MYO3A: variants seen among roughly 807,000 people sequenced by gnomAD.
MYO3A encodes myosin IIIA.
In MYO3A, 180 loss-of-function variants were observed where a neutral mutation model predicts 192.7. The ratio of observed to expected loss-of-function variants is 0.93; its 90% CI spans 0.83 to 1.06. The LOEUF (loss-of-function observed/expected upper bound fraction) is 1.06, where lower values mean the gene tolerates loss of function less well. Ranked by LOEUF, MYO3A falls within the 50% of genes least tolerant of loss-of-function variation. The pLI is 0.00. For missense variants in MYO3A, 1,896 were observed against 1,905.0 expected (o/e 1.00, Z 0.09); for synonymous variants, 628 against 645.3 (o/e 0.97, Z 0.41).
chr10:26,008,940 G>A (rs1162910809), intron 6 of MYO3A, among the ~76,000 whole-genome samples: 5 of 151,652 alleles, frequency 3.3e-5, no homozygotes, highest in African/African-American at 4.9e-5. Context: ...TATGTTTATT[G>A]CGGCACTATT....
Position 26,165,906 on chromosome 10 carries a change from T to G in MYO3A, c.3000-161T>G, listed in dbSNP as rs925593499. 14 of 725,740 alleles carry G rather than the reference T, an allele frequency of 1.9e-5. 1 individual carries two copies. Among genetic ancestry groups the G allele is most frequent in the South Asian group, 1.5e-4 (10 of 67,152 alleles). 45.0% of individuals were successfully genotyped at this position (725,740 alleles called of 1,614,324 possible). On this transcript the variant is annotated intron_variant, in intron 26 of 34. Transcript: ENST00000642920. ...ACTGGGTTTCCATCAGTTTGGAATT[T>G]GGTCTACTCCGAAGTTGTTCTGAGG...
chr10:26,016,631 G>A (rs1461850455), intron 6 of MYO3A, among the ~76,000 whole-genome samples, 189 bp from the exon 7 acceptor site: 1 of 152,156 alleles, frequency 6.6e-6, no homozygotes, highest in Non-Finnish European at 1.5e-5. Context: ...GAAAGAGAAA[G>A]TAGGAGCACC....
At chr10:26,173,223 G>A (rs1842139986) in intron 29 of MYO3A, among the ~76,000 whole-genome samples, 1 of 152,140 alleles carries the variant, frequency 6.6e-6, no homozygotes, top group Admixed American at 6.5e-5. Flanking sequence ...TACTTCCTCT[G>A]ATCAGTAAAC....
intron 17 of MYO3A, among the ~76,000 whole-genome samples, chr10:26,102,311 A>T (rs112875387): frequency 0.097 from 14,802 of 152,022 alleles, 799 homozygotes; most frequent in Non-Finnish European, 0.12. Flanking sequence ...ATCTTTTTTC[A>T]AGGTTTTTAG....
intron 14 of MYO3A, among the ~76,000 whole-genome samples, chr10:26,085,751 A>G (rs1836264918): frequency 6.6e-6 from 1 of 152,216 alleles, no homozygotes; most frequent in Non-Finnish European, 1.5e-5. Context: ...TGCAGACTGC[A>G]GGGGTCTCCA....
At chr10:25,942,271 G>A (rs1168873176) in intron 2 of MYO3A, among the ~76,000 whole-genome samples, 1 of 152,044 alleles carries the variant, frequency 6.6e-6, no homozygotes, top group African/African-American at 2.4e-5. Flanking sequence ...AAAAGTGCTG[G>A]GATTACAGGC....
chr10:26,125,795 A>G (rs1839185365), intron 19 of MYO3A, among the ~76,000 whole-genome samples, 187 bp downstream of exon 19: 1 of 152,188 alleles, frequency 6.6e-6, no homozygotes, highest in Non-Finnish European at 1.5e-5. Flanking sequence ...CCACTTAACT[A>G]TAAAATTTTT....
intron 2 of MYO3A, among the ~76,000 whole-genome samples, chr10:25,936,296 G>A (rs1052448586): frequency 1.3e-5 from 2 of 151,814 alleles, no homozygotes; most frequent in Admixed American, 6.6e-5. Flanking sequence ...AATATTTGAA[G>A]GTCCATTATT....
At chr10:26,109,551 G>C (rs2131631723) in intron 17 of MYO3A, among the ~76,000 whole-genome samples, 1 of 152,256 alleles carries the variant, frequency 6.6e-6, no homozygotes, top group South Asian at 2.1e-4. Context: ...TACATATATA[G>C]AGAGTTCAGT....
Position 25,946,517 on chromosome 10 carries a change from TC to T in MYO3A, c.-17-5574del, listed in dbSNP as rs1054870628. On this transcript the variant is annotated intron_variant, in intron 2 of 34. Coordinates refer to ENST00000642920, the MANE Select transcript of MYO3A (RefSeq NM_017433.5). ...GCTTTTCTCTTGCTGCTTTTAAGTT[TC>T]CCTTTTTTTTTTTTTGTCTTTGTCT... Among the ~76,000 whole-genome samples, 22 of 146,918 alleles carry T rather than the reference TC, an allele frequency of 1.5e-4. 1 individual carries two copies. Among genetic ancestry groups the T allele is most frequent in the African/African-American group, 5.6e-4 (22 of 39,470 alleles).
At chr10:26,116,206 A>C (rs1344648553) in intron 17 of MYO3A, among the ~76,000 whole-genome samples, 2 of 152,218 alleles carry the variant, frequency 1.3e-5, no homozygotes, top group Non-Finnish European at 2.9e-5. Flanking sequence ...GTCTGAGATT[A>C]GGATGTGGAC....
chr10:25,959,802 GGTGTGT>G (rs10543438), intron 4 of MYO3A, among the ~76,000 whole-genome samples: 5 of 149,408 alleles, frequency 3.3e-5, no homozygotes, highest in Non-Finnish European at 5.9e-5. Flanking sequence ...TCTTAACCTG[GGTGTGT>G]GTGTGTGTGT....
At chr10:26,070,737 A>G (rs1343459090) in intron 14 of MYO3A, among the ~76,000 whole-genome samples, 3 of 152,054 alleles carry the variant, frequency 2.0e-5, no homozygotes, top group African/African-American at 4.8e-5. Flanking sequence ...ACAAAAATCA[A>G]TTGTGTTTAC....
chr10:26,151,921 T>C (rs1840811542), intron 23 of MYO3A, among the ~76,000 whole-genome samples: 1 of 152,240 alleles, frequency 6.6e-6, no homozygotes, highest in Non-Finnish European at 1.5e-5. Context: ...TATGTCTTTT[T>C]AGTTGTTTGA....
At chr10:26,184,085 G>T (rs566906267) in intron 31 of MYO3A, among the ~76,000 whole-genome samples, 22 of 152,280 alleles carry the variant, frequency 1.4e-4, no homozygotes, top group Admixed American at 6.5e-4. Flanking sequence ...GAACATGTCC[G>T]TCGGTGCTAA....
At chr10:26,181,047 T>C (rs958522192) in intron 31 of MYO3A, among the ~76,000 whole-genome samples, 3 of 152,034 alleles carry the variant, frequency 2.0e-5, no homozygotes, top group Non-Finnish European at 2.9e-5. Flanking sequence ...CAAAAATCAA[T>C]CACAGATTAA....
intron 2 of MYO3A, among the ~76,000 whole-genome samples, chr10:25,944,725 T>C (rs1364482832): frequency 6.6e-6 from 1 of 152,098 alleles, no homozygotes; most frequent in Non-Finnish European, 1.5e-5. Flanking sequence ...ATAATCATTT[T>C]TAATTCTCTG....
chr10:25,973,093 A>T (rs1159129138), intron 4 of MYO3A, among the ~76,000 whole-genome samples: 1 of 152,202 alleles, frequency 6.6e-6, no homozygotes, highest in Non-Finnish European at 1.5e-5. Flanking sequence ...TTTTCATGAC[A>T]TTGATTCTTT....
intron 4 of MYO3A, among the ~76,000 whole-genome samples, chr10:25,964,946 G>T (rs1334331517): frequency 6.6e-6 from 1 of 152,114 alleles, no homozygotes; most frequent in Non-Finnish European, 1.5e-5. Context: ...GGCCCATAAG[G>T]TTTCCACTGA....
Sources: gnomAD v4.1 joint callset for allele counts (sites outside exome capture counted in the v4.1 genomes callset) on GRCh38, gnomAD v4.1.1 for gene constraint, MANE v1.5 for transcripts, NCBI Gene and HGNC (gene_info 2026-07-23, HGNC 2026-07-21) for gene names.